The following SLC12A8 variants were observed in gnomAD, a reference collection of about 807,000 sequenced individuals.
SLC12A8 encodes the protein solute carrier family 12 member 8.
A neutral mutation model predicts 75.6 loss-of-function variants in SLC12A8; 69 were observed. That is an observed-to-expected ratio of 0.91 (90% CI 0.75 to 1.11). The LOEUF (loss-of-function observed/expected upper bound fraction) is 1.11, where lower values mean the gene tolerates loss of function less well. Ranked by LOEUF, SLC12A8 falls within the 50% of genes most tolerant of loss-of-function variation. The pLI, the probability that SLC12A8 is intolerant of heterozygous loss-of-function variation, is 0.00. For missense variants in SLC12A8, 877 were observed against 896.7 expected, an observed-to-expected ratio of 0.98 and a Z score of 0.28; for synonymous variants, 365 against 372.8, an observed-to-expected ratio of 0.98 and a Z score of 0.24.
intron 10 of SLC12A8, among the ~76,000 whole-genome samples, chr3:125,103,751 G>C (rs886569596): frequency 6.6e-6 from 1 of 152,060 alleles, no homozygotes; most frequent in African/African-American, 2.4e-5. Context: ...TCCCACCTCA[G>C]CCTCCCAAGT....
chr3:125,151,714 A>T lies in SLC12A8; in HGVS notation c.623-15932T>A, dbSNP rs138964584. On this transcript the variant is annotated intron_variant, in intron 5 of 13. Coordinates refer to ENST00000469902, the MANE Select transcript of SLC12A8 (RefSeq NM_024628.6). ...CAAGACTGTCTTACGTTTATTTAGA[A>T]TCTTCCTTTGCCAAGGCAATCGTAT... is the stretch of plus-strand genomic sequence containing the variant. 3.6e-3 allele frequency among the ~76,000 whole-genome samples: 546 copies of T among 152,328 alleles called. 2 individuals are homozygous for T. The highest frequency in any genetic ancestry group is 0.012 in the African/African-American group (513 of 41,576).
chr3:125,106,523 C>T (rs934024538), intron 10 of SLC12A8, among the ~76,000 whole-genome samples: 3 of 152,142 alleles, frequency 2.0e-5, no homozygotes, highest in South Asian at 4.2e-4. Flanking sequence ...CCTGCCTCAG[C>T]CTCATGAGTA....
chr3:125,117,976 A>G (rs185753844), intron 8 of SLC12A8, among the ~76,000 whole-genome samples: 11 of 152,372 alleles, frequency 7.2e-5, no homozygotes, highest in African/African-American at 2.6e-4. Context: ...GACCTGAGGG[A>G]CAAGGAGGGC....
At chr3:125,152,739 T>C (rs1933958199) in intron 5 of SLC12A8, among the ~76,000 whole-genome samples, 1 of 152,226 alleles carries the variant, frequency 6.6e-6, no homozygotes, top group Admixed American at 6.5e-5. Context: ...ATTAGACAGA[T>C]GGACAAACTC....
rs556603555 is a variant in SLC12A8 at position 125,181,373 on chromosome 3, G to A, written c.391-3399C>T. Among the ~76,000 whole-genome samples the A allele has an allele frequency of 2.4e-4, 36 of 150,290 alleles. No homozygotes were observed. In the East Asian group the frequency reaches 5.3e-3, roughly 22 times the overall value. ...TCCCAGCACTTTGGGAGGCCGAGGC[G>A]GGTGGATCATGAGGTCAGGAGATCG... On this transcript the variant is annotated intron_variant, in intron 4 of 13. Coordinates refer to ENST00000469902, the MANE Select transcript of SLC12A8 (RefSeq NM_024628.6).
chr3:125,092,225 C>A (rs142925384), intron 10 of SLC12A8, 27 bp from the exon 11 acceptor site: 3 of 1,519,624 alleles, frequency 2.0e-6, no homozygotes, highest in African/African-American at 2.7e-5. Flanking sequence ...GATTTGGCTG[C>A]CAAATTGCTA....
intron 10 of SLC12A8, among the ~76,000 whole-genome samples, chr3:125,106,196 T>C (rs930577753): frequency 6.6e-6 from 1 of 152,226 alleles, no homozygotes; most frequent in African/African-American, 2.4e-5. Context: ...TTTCTGGTTA[T>C]GTGACTTTTA....
intron 10 of SLC12A8, among the ~76,000 whole-genome samples, chr3:125,104,941 A>G (rs985509099): frequency 6.6e-6 from 1 of 152,214 alleles, no homozygotes; most frequent in Non-Finnish European, 1.5e-5. Flanking sequence ...ACTCAGGACC[A>G]TGGAGCTGCC....
intron 10 of SLC12A8, among the ~76,000 whole-genome samples, chr3:125,104,647 T>A (rs1463000356): frequency 6.6e-6 from 1 of 152,018 alleles, no homozygotes; most frequent in Non-Finnish European, 1.5e-5. Flanking sequence ...AAAAAACACA[T>A]AATTTTATGT....
At chr3:125,131,996 A>T (rs1357567510) in intron 6 of SLC12A8, among the ~76,000 whole-genome samples, 2 of 152,198 alleles carry the variant, frequency 1.3e-5, no homozygotes, top group African/African-American at 4.8e-5. Context: ...TCCCAATCTC[A>T]GATTTCCAGT....
intron 4 of SLC12A8, among the ~76,000 whole-genome samples, chr3:125,186,479 G>A (rs1186905963): frequency 6.6e-6 from 1 of 152,152 alleles, no homozygotes; most frequent in Non-Finnish European, 1.5e-5. Flanking sequence ...CTCTAACTTA[G>A]ACAAATTCTT....
chr3:125,168,472 G>C (rs576652392), intron 5 of SLC12A8, among the ~76,000 whole-genome samples: 17 of 152,284 alleles, frequency 1.1e-4, no homozygotes, highest in African/African-American at 4.1e-4. Context: ...GGAGAAGCAG[G>C]GGAGAGCCAC....
At chr3:125,195,302 GC>G (rs1934986705) in intron 2 of SLC12A8, among the ~76,000 whole-genome samples, 1 of 152,196 alleles carries the variant, frequency 6.6e-6, no homozygotes, top group Non-Finnish European at 1.5e-5. Flanking sequence ...GTAAGAGAGA[GC>G]CCATCCCTTC....
rs1487491115 is a variant in SLC12A8 at position 125,130,604 on chromosome 3, AAG to A, written c.736+5063_736+5064del. ...GAGACCCTGTCTTAAAAAAAAGAAA[AAG>A]AAAAAGAAAAAGAAAAAGAAATACG... On this transcript the variant is annotated intron_variant, in intron 6 of 13. Transcript: ENST00000469902. Among the ~76,000 whole-genome samples, 191 of 59,128 alleles carry A rather than the reference AAG, an allele frequency of 3.2e-3. 4 individuals carry two copies. The highest frequency in any genetic ancestry group is 0.023 in the East Asian group (55 of 2,378). 38.8% of individuals were successfully genotyped at this position (59,128 alleles called of 152,430 possible).
At chr3:125,115,952 G>C (rs1209452125) in intron 8 of SLC12A8, among the ~76,000 whole-genome samples, 1 of 152,168 alleles carries the variant, frequency 6.6e-6, no homozygotes, top group Non-Finnish European at 1.5e-5. Flanking sequence ...TGTGTCAAGT[G>C]ACCAAAGTAA....
intron 4 of SLC12A8, among the ~76,000 whole-genome samples, chr3:125,186,879 C>T (rs1158767699): frequency 6.6e-5 from 10 of 152,252 alleles, no homozygotes; most frequent in Non-Finnish European, 1.5e-4. Flanking sequence ...AGTAAAAAAG[C>T]GTCCCAGGGC....
intron 5 of SLC12A8, among the ~76,000 whole-genome samples, chr3:125,165,151 G>A (rs1934258520): frequency 6.6e-6 from 1 of 152,182 alleles, no homozygotes; most frequent in Non-Finnish European, 1.5e-5. Context: ...AGGGTCACAT[G>A]AGAGAGTGCG....
intron 5 of SLC12A8, among the ~76,000 whole-genome samples, chr3:125,155,261 T>A (rs535655594): frequency 1.3e-5 from 2 of 152,248 alleles, no homozygotes; most frequent in African/African-American, 4.8e-5. Context: ...ATTCAAGAAA[T>A]GTACAGCAAT....
chr3:125,139,039 T>A (rs973048614), intron 5 of SLC12A8, among the ~76,000 whole-genome samples: 16 of 152,232 alleles, frequency 1.1e-4, no homozygotes, highest in Non-Finnish European at 1.9e-4. Context: ...AATCTACTTG[T>A]CATCAAAAAA....
Sources: allele counts gnomAD v4.1 joint callset (sites outside exome capture counted in the v4.1 genomes callset), GRCh38; gene constraint gnomAD v4.1.1; transcripts MANE v1.5; gene names NCBI Gene and HGNC (gene_info 2026-07-23, HGNC 2026-07-21).